The following PCDH15 variants were observed in gnomAD, a reference collection of about 807,000 sequenced individuals.
The protein encoded by PCDH15 is protocadherin-15.
A neutral mutation model predicts 178.5 loss-of-function variants in PCDH15; 129 were observed. That is an observed-to-expected ratio of 0.72 (90% CI 0.63 to 0.84). PCDH15 has a LOEUF of 0.84. PCDH15 is among the 40% of genes least tolerant of loss of function. The pLI is 0.00. For synonymous variants in PCDH15, 800 were observed against 732.0 expected (o/e 1.09, Z -1.50); for missense variants, 2,230 against 2,099.9 (o/e 1.06, Z -1.21).
chr10:55,252,282 A>G (rs1012348820), intron 1 of PCDH15, among the ~76,000 whole-genome samples: 1 of 152,120 alleles, frequency 6.6e-6, no homozygotes, highest in African/African-American at 2.4e-5. Context: ...ACCCTACCCA[A>G]ATAGGAGTGC....
chr10:54,760,375 A>AT (rs972866255), intron 1 of PCDH15, among the ~76,000 whole-genome samples: 6 of 65,214 alleles, frequency 9.2e-5, no homozygotes, highest in Admixed American at 1.3e-4. Flanking sequence ...CAACATATAT[A>AT]TTTTTTTTAT....
chr10:54,684,329 T>A (rs2094955421), intron 1 of PCDH15, among the ~76,000 whole-genome samples: 1 of 151,834 alleles, frequency 6.6e-6, no homozygotes, highest in Non-Finnish European at 1.5e-5. Context: ...CCTAATTTTT[T>A]AAAATCATAT....
At chr10:54,597,543 A>T (rs1414552438) in intron 2 of PCDH15, among the ~76,000 whole-genome samples, 1 of 151,890 alleles carries the variant, frequency 6.6e-6, no homozygotes, top group Non-Finnish European at 1.5e-5. Flanking sequence ...AAAGCTACAG[A>T]AGCAAGAGAA....
intron 3 of PCDH15, among the ~76,000 whole-genome samples, chr10:54,430,603 T>A (rs368352677): frequency 6.6e-6 from 1 of 152,048 alleles, no homozygotes; most frequent in Non-Finnish European, 1.5e-5. Flanking sequence ...AAACCTATGA[T>A]ATAACAAAAG....
At chr10:55,274,772 T>G (rs1842542950) in intron 1 of PCDH15, among the ~76,000 whole-genome samples, 5 of 152,080 alleles carry the variant, frequency 3.3e-5, no homozygotes, top group Admixed American at 3.3e-4. Flanking sequence ...GGTTTCGGGA[T>G]GAAACTGTTC....
At chr10:54,518,564 A>G (rs1320697803) in intron 3 of PCDH15, among the ~76,000 whole-genome samples, 1 of 152,212 alleles carries the variant, frequency 6.6e-6, no homozygotes, top group African/African-American at 2.4e-5. Flanking sequence ...TTGTGGCAAT[A>G]ATCAATAGCT....
At chr10:54,697,550 T>G (rs57480294) in intron 1 of PCDH15, among the ~76,000 whole-genome samples, 2,401 of 149,560 alleles carry the variant, frequency 0.016, 71 homozygotes, top group African/African-American at 0.055. Flanking sequence ...TTTACATGCT[T>G]GCAATAGTTA....
intron 4 of PCDH15, among the ~76,000 whole-genome samples, chr10:54,371,958 A>T (rs745405399): frequency 6.6e-6 from 1 of 151,880 alleles, no homozygotes; most frequent in African/African-American, 2.4e-5. Context: ...CAGTTTGAGG[A>T]TAAAAGACCA....
At chr10:54,288,964 C>T (rs1160699877) in intron 8 of PCDH15, among the ~76,000 whole-genome samples, 2 of 152,250 alleles carry the variant, frequency 1.3e-5, no homozygotes, top group Admixed American at 1.3e-4. Context: ...CAGCAGGCAA[C>T]TTCTGCAGAC....
At chr10:54,629,606 C>A (rs1323958207) in intron 2 of PCDH15, among the ~76,000 whole-genome samples, 1 of 152,002 alleles carries the variant, frequency 6.6e-6, no homozygotes, top group Non-Finnish European at 1.5e-5. Context: ...ATGATAGGAA[C>A]CATGTGTGAC....
rs562731025 is a variant in PCDH15 at position 54,462,512 on chromosome 10, C to CTTTTTTTT, written c.157+65292_157+65299dup. ...TTTCTTTTCTTTTTCTTTTTCTTTTCTTTTTTTTTTTTTTTTTTTTGAGAT... is the reference window on the plus strand; with the variant it reads ...TTTCTTTTCTTTTTCTTTTTCTTTTCTTTTTTTTTTTTTTTTTTTTTTTTTTTTGAGAT... On this transcript the variant is annotated intron_variant, in intron 3 of 37. Transcript: ENST00000644397. Among the ~76,000 whole-genome samples, 35 of 66,884 alleles carry CTTTTTTTT rather than the reference C, an allele frequency of 5.2e-4. 1 individual carries two copies. Among genetic ancestry groups the CTTTTTTTT allele is most frequent in the African/African-American group, 2.0e-3 (27 of 13,566 alleles). 43.9% of individuals were successfully genotyped at this position (66,884 alleles called of 152,430 possible). A position where few individuals can be genotyped will look rare whatever the true frequency, so the allele number is the denominator to read the frequency against.
At chr10:55,428,749 T>C (rs1359770496) in intron 2 of PCDH15, among the ~76,000 whole-genome samples, 1 of 151,978 alleles carries the variant, frequency 6.6e-6, no homozygotes, top group East Asian at 1.9e-4. Flanking sequence ...GTCTGTATTG[T>C]TATTTGTTTC....
At chr10:54,644,808 G>A (rs954753051) in intron 2 of PCDH15, among the ~76,000 whole-genome samples, 1 of 152,136 alleles carries the variant, frequency 6.6e-6, no homozygotes, top group African/African-American at 2.4e-5. Context: ...CCCTTAGGAG[G>A]TGATTATGTC....
At chr10:53,809,522 G>T (rs530412749) in intron 37 of PCDH15, 15 of 1,606,490 alleles carry the variant, frequency 9.3e-6, no homozygotes, top group South Asian at 4.5e-5. Flanking sequence ...TCAACCTTTG[G>T]TTTTTTAATT....
rs116439312 is a variant in PCDH15, at chr10:54,021,286, A to C, written c.2527-870T>G. ...AATGGAGCAAGAATGAAAATGGGGA[A>C]GATCCAGAGTATGCTATAATGTGCA... On this transcript the variant is annotated intron_variant, in intron 19 of 37. Coordinates refer to ENST00000644397, the MANE Select transcript of PCDH15 (RefSeq NM_001384140.1). Among the ~76,000 whole-genome samples the C allele has an allele frequency of 5.9e-5, 9 of 152,120 alleles. No individual in the cohort carries two copies. The East Asian group carries it at 1.7e-3, about 29-fold the overall frequency.
chr10:55,419,936 GGCC>G (rs1183610827), intron 2 of PCDH15, among the ~76,000 whole-genome samples: 1 of 151,646 alleles, frequency 6.6e-6, no homozygotes, highest in Admixed American at 6.6e-5. Flanking sequence ...AAACAAATCT[GGCC>G]CCCTCCAGTT....
chr10:55,399,636 C>G (rs1376109438), intron 2 of PCDH15, among the ~76,000 whole-genome samples: 1 of 152,062 alleles, frequency 6.6e-6, no homozygotes, highest in African/African-American at 2.4e-5. Flanking sequence ...ACAATGCATA[C>G]TTGATTTAGT....
At chr10:55,148,111 G>A (rs957198363) in intron 2 of PCDH15, among the ~76,000 whole-genome samples, 7 of 28,834 alleles carry the variant, frequency 2.4e-4, no homozygotes, top group African/African-American at 1.2e-4. Flanking sequence ...TCTTACAGGC[G>A]ATGATGGGCT....
intron 13 of PCDH15, among the ~76,000 whole-genome samples, chr10:54,154,103 T>G (rs1302429551): frequency 6.6e-6 from 1 of 152,176 alleles, no homozygotes; most frequent in Non-Finnish European, 1.5e-5. Flanking sequence ...ATAACAATGA[T>G]TAACTTCATC....
Sources: gnomAD v4.1 joint callset for allele counts (sites outside exome capture counted in the v4.1 genomes callset) on GRCh38, gnomAD v4.1.1 for gene constraint, MANE v1.5 for transcripts, NCBI Gene and HGNC (gene_info 2026-07-23, HGNC 2026-07-21) for gene names.